MITF: variants seen among roughly 807,000 people sequenced by gnomAD.
MITF encodes microphthalmia-associated transcription factor.
In MITF, 17 loss-of-function variants were observed where a neutral mutation model predicts 60.5. That is an observed-to-expected ratio of 0.28 (90% CI 0.19 to 0.42). The LOEUF is 0.42. Among genes scored for constraint, MITF ranks in the 10% least tolerant of loss-of-function variants. The pLI is 1.00. For missense variants in MITF, 622 were observed against 683.5 expected (o/e 0.91, Z 1.00); for synonymous variants, 260 against 248.5 (o/e 1.05, Z -0.43).
chr3:69,899,251 C>G (rs1366909009), intron 2 of MITF, among the ~76,000 whole-genome samples: 1 of 151,980 alleles, frequency 6.6e-6, no homozygotes, highest in Non-Finnish European at 1.5e-5. Flanking sequence ...GCTAGAAGCT[C>G]CAGGAAATAA....
intron 2 of MITF, among the ~76,000 whole-genome samples, chr3:69,919,243 GAGCCCATTTA>G (rs2065408041): frequency 6.6e-6 from 1 of 152,200 alleles, no homozygotes; most frequent in South Asian, 2.1e-4. Context: ...CTAAAAGTAA[GAGCCCATTTA>G]AGTCCATTTA....
intron 1 of MITF, among the ~76,000 whole-genome samples, chr3:69,830,098 C>T (rs2063421122): frequency 6.6e-6 from 1 of 152,112 alleles, no homozygotes; most frequent in Non-Finnish European, 1.5e-5. Flanking sequence ...TGTTAAGCCT[C>T]TGAAATTAGG....
chr3:69,899,253 A>C (rs1197063878), intron 2 of MITF, among the ~76,000 whole-genome samples: 1 of 152,216 alleles, frequency 6.6e-6, no homozygotes, highest in African/African-American at 2.4e-5. Context: ...TAGAAGCTCC[A>C]GGAAATAAGA....
intron 2 of MITF, among the ~76,000 whole-genome samples, chr3:69,922,005 C>T (rs1243209124): frequency 4.6e-5 from 7 of 152,148 alleles, no homozygotes; most frequent in Admixed American, 4.6e-4. Flanking sequence ...CCTAAAATTC[C>T]TTGAAGGGCA....
chr3:69,849,125 C>T (rs1246595252), intron 1 of MITF, among the ~76,000 whole-genome samples: 2 of 151,070 alleles, frequency 1.3e-5, no homozygotes, highest in Admixed American at 1.3e-4. Context: ...CCACTACGCC[C>T]GGCTAATTTT....
intron 5 of MITF, among the ~76,000 whole-genome samples, chr3:69,948,815 A>T (rs770225319): frequency 1.3e-5 from 2 of 152,162 alleles, no homozygotes; most frequent in East Asian, 3.9e-4. Flanking sequence ...TAGTCATTTT[A>T]TGGGTGTGAG....
chr3:69,959,202 T>A, intron 8 of MITF, 71 bp from the exon 9 acceptor site: 43 of 1,556,060 alleles, frequency 2.8e-5, no homozygotes, highest in Non-Finnish European at 3.8e-5. Context: ...AGAAATGGAG[T>A]GCTTTGAATA....
chr3:69,777,780 G>A (rs1575697484), intron 1 of MITF, among the ~76,000 whole-genome samples: 2 of 152,150 alleles, frequency 1.3e-5, no homozygotes, highest in East Asian at 3.9e-4. Flanking sequence ...TGCCATGGTT[G>A]GAAGGCGGGA....
At chr3:69,815,120 T>C (rs897773622) in intron 1 of MITF, among the ~76,000 whole-genome samples, 3 of 152,068 alleles carry the variant, frequency 2.0e-5, no homozygotes, top group Non-Finnish European at 4.4e-5. Flanking sequence ...ATAAATACAA[T>C]ATGACCCAAG....
intron 1 of MITF, among the ~76,000 whole-genome samples, chr3:69,751,602 G>A (rs879901227): frequency 7.5e-5 from 11 of 145,828 alleles, no homozygotes; most frequent in Non-Finnish European, 1.5e-4. Flanking sequence ...GAGAAAAAGC[G>A]CTGATCTGTT....
At chr3:69,946,333 C>T (rs919100923) in intron 5 of MITF, among the ~76,000 whole-genome samples, 1 of 152,134 alleles carries the variant, frequency 6.6e-6, no homozygotes, top group African/African-American at 2.4e-5. Flanking sequence ...TTGGAGTATC[C>T]ACATTCGGCT....
intron 1 of MITF, among the ~76,000 whole-genome samples, chr3:69,828,195 C>T (rs1049651182): frequency 1.5e-5 from 2 of 134,814 alleles, no homozygotes; most frequent in African/African-American, 5.1e-5. Context: ...ATTATTAACT[C>T]ACCCCAACTT....
At chr3:69,953,348 C>G (rs1338351690) in intron 7 of MITF, among the ~76,000 whole-genome samples, 1 of 152,064 alleles carries the variant, frequency 6.6e-6, no homozygotes, top group Non-Finnish European at 1.5e-5. Context: ...CCTGAACTCT[C>G]AAGGTCAAGG....
At chr3:69,803,601 T>A (rs1365139377) in intron 1 of MITF, among the ~76,000 whole-genome samples, 1 of 152,206 alleles carries the variant, frequency 6.6e-6, no homozygotes, top group South Asian at 2.1e-4. Flanking sequence ...AAAGGTTGAA[T>A]TGAATAAAAG....
intron 1 of MITF, among the ~76,000 whole-genome samples, chr3:69,833,494 TC>T (rs1303218786): frequency 6.6e-6 from 1 of 152,210 alleles, no homozygotes; most frequent in African/African-American, 2.4e-5. Context: ...TGTGGTTCCT[TC>T]CCCGTTTACA....
At chr3:69,753,806 C>T (rs567136955) in intron 1 of MITF, among the ~76,000 whole-genome samples, 1 of 152,302 alleles carries the variant, frequency 6.6e-6, no homozygotes, top group South Asian at 2.1e-4. Flanking sequence ...TTACCCAATT[C>T]CTATACCCCC....
At chr3:69,794,258 C>T (rs2062791516) in intron 1 of MITF, among the ~76,000 whole-genome samples, 1 of 152,178 alleles carries the variant, frequency 6.6e-6, no homozygotes, top group Admixed American at 6.5e-5. Context: ...TTCACATTTG[C>T]AGGTGGCTAT....
chr3:69,963,970 C>CTTTTTTTTTTTTTTTTTTTTTTTTTTT (rs56921812), intron 9 of MITF, among the ~76,000 whole-genome samples: 1 of 86,124 alleles, frequency 1.2e-5, no homozygotes, highest in Non-Finnish European at 2.1e-5. Context: ...TTTTTCTTTT[C>CTTTTTTTTTTTTTTTTTTTTTTTTTTT]TTTTTTTTTT....
intron 2 of MITF, among the ~76,000 whole-genome samples, chr3:69,881,790 C>G (rs554570933): frequency 6.6e-6 from 1 of 152,096 alleles, no homozygotes; most frequent in South Asian, 2.1e-4. Flanking sequence ...ACCAAGTATA[C>G]TAATTGAGTG....
Sources: gnomAD v4.1 joint callset for allele counts (sites outside exome capture counted in the v4.1 genomes callset) on GRCh38, gnomAD v4.1.1 for gene constraint, MANE v1.5 for transcripts, NCBI Gene and HGNC (gene_info 2026-07-23, HGNC 2026-07-21) for gene names.